LAMA1: variants seen among roughly 807,000 people sequenced by gnomAD.
LAMA1 encodes laminin subunit alpha 1, also known as laminin subunit alpha-1.
In LAMA1, 219 loss-of-function variants were observed where a neutral mutation model predicts 348.7. That is an observed-to-expected ratio of 0.63 (90% confidence interval 0.56 to 0.70). The LOEUF is 0.70. Among genes scored for constraint, LAMA1 ranks in the 30% least tolerant of loss-of-function variants. The probability of loss-of-function intolerance (pLI) is 0.00; values close to 1 mark genes in which losing one functional copy is unlikely to be tolerated. For missense variants in LAMA1, 3,744 were observed against 3,888.0 expected (o/e 0.96, Z 0.99); for synonymous variants, 1,487 against 1,491.0 (o/e 1.00, Z 0.06).
chr18:6,961,823 A>G (rs2057609320), intron 52 of LAMA1, 64 bp from the exon 53 acceptor site: 1 of 1,593,344 alleles, frequency 6.3e-7, no homozygotes, highest in African/African-American at 1.3e-5. Context: ...TTCCGTGGGG[A>G]GGACACTGCT....
rs1314325940 is a variant in LAMA1, at chr18:7,098,658, A to G, written c.62-18201T>C. ...TGAGGAGCCTCTCCGACCGGCAGCC[A>G]CCCAGTCTGGGAAGTGAGGAGCGTC... On this transcript the variant is annotated intron_variant, in intron 1 of 62. Coordinates refer to ENST00000389658, the MANE Select transcript of LAMA1 (RefSeq NM_005559.4). 4.3e-5 allele frequency among the ~76,000 whole-genome samples: 6 copies of G among 140,036 alleles called. No homozygotes were observed. The East Asian group carries it at 6.7e-4, about 16-fold the overall frequency. The allele number at this position is 140,036 out of a possible 152,430, so 91.9% of individuals were successfully genotyped here.
At chr18:6,955,502 G>A (rs371531785) in intron 56 of LAMA1, 37 bp from the exon 57 acceptor site, 41 of 1,519,194 alleles carry the variant, frequency 2.7e-5, no homozygotes, top group African/African-American at 2.2e-4. Context: ...GCCGCCACCC[G>A]CAGCCCGAAC....
chr18:6,957,300 C>T (rs1443330373), intron 55 of LAMA1: 1 of 166,830 alleles, frequency 6.0e-6, no homozygotes, highest in African/African-American at 2.4e-5. Context: ...TCTGCTCTAC[C>T]GAGTCCACAA....
intron 42 of LAMA1, among the ~76,000 whole-genome samples, chr18:6,979,623 G>A (rs1031045818): frequency 6.6e-6 from 1 of 152,370 alleles, no homozygotes; most frequent in African/African-American, 2.4e-5. Context: ...CTTTAGGCCA[G>A]GCGCGGTGGC....
chr18:7,112,701 ATC>A (rs1461548342), intron 1 of LAMA1, among the ~76,000 whole-genome samples: 2 of 151,170 alleles, frequency 1.3e-5, no homozygotes, highest in African/African-American at 4.9e-5. Flanking sequence ...CAATGGCACG[ATC>A]TCGGCTCACC....
intron 32 of LAMA1, among the ~76,000 whole-genome samples, chr18:6,998,903 G>C (rs1044936196): frequency 6.6e-6 from 1 of 151,820 alleles, no homozygotes; most frequent in Non-Finnish European, 1.5e-5. Flanking sequence ...CAAGGTGGTG[G>C]ACACCTGTGA....
intron 23 of LAMA1, among the ~76,000 whole-genome samples, 156 bp from the exon 24 acceptor site, chr18:7,012,294 T>G (rs1199970115): frequency 6.6e-6 from 1 of 152,048 alleles, no homozygotes; most frequent in Admixed American, 6.6e-5. Context: ...TTTCTGAGTG[T>G]CAGTTTTCTC....
intron 51 of LAMA1, among the ~76,000 whole-genome samples, chr18:6,962,676 T>C (rs1026447781): frequency 6.6e-6 from 1 of 152,190 alleles, no homozygotes; most frequent in African/African-American, 2.4e-5. Flanking sequence ...AGCACATAGA[T>C]TATAATCCAG....
chr18:7,053,251 T>A (rs1293921986), intron 3 of LAMA1, among the ~76,000 whole-genome samples: 1 of 152,112 alleles, frequency 6.6e-6, no homozygotes, highest in Non-Finnish European at 1.5e-5. Flanking sequence ...TGTATGATAC[T>A]CTAATGGTGG....
At chr18:7,039,913 A>G (rs2058012772) in intron 10 of LAMA1, among the ~76,000 whole-genome samples, 163 bp downstream of exon 10, 1 of 152,220 alleles carries the variant, frequency 6.6e-6, no homozygotes, top group African/African-American at 2.4e-5. Flanking sequence ...CCAAGCATAT[A>G]TAATACAGCC....
Position 6,999,470 on chromosome 18 carries a change from G to A in LAMA1, c.4638C>T (p.His1546=), listed in dbSNP as rs139693824. Reference sequence around the variant, plus strand: ...AAACACAATCTGTTTCCATCAGAATGTGCCTCGGTTCACACTCATCGCACC... The same window carrying A: ...AAACACAATCTGTTTCCATCAGAATATGCCTCGGTTCACACTCATCGCACC... ...GLRCDECEPR[H]ILMETDCVSC... The change falls in exon 32 of 63, where the codon CAC becomes CAT. Residue 1546 remains histidine, a synonymous_variant. Transcript: ENST00000389658. 1.7e-5 allele frequency: 27 copies of A among 1,614,014 alleles called. No homozygotes were observed. In the African/African-American group the frequency reaches 3.1e-4, roughly 18 times the overall value.
intron 1 of LAMA1, among the ~76,000 whole-genome samples, chr18:7,107,884 G>A (rs2058319809): frequency 6.6e-6 from 1 of 151,790 alleles, no homozygotes; most frequent in Non-Finnish European, 1.5e-5. Flanking sequence ...CCTGGTGGCG[G>A]GTGCCTGTAG....
chr18:7,011,475 G>A lies in LAMA1; in HGVS notation c.3512C>T (p.Thr1171Met), dbSNP rs543376042. 10 of 1,602,648 alleles carry A rather than the reference G, an allele frequency of 6.2e-6. No homozygotes were observed. Among genetic ancestry groups the A allele is most frequent in the African/African-American group, 5.3e-5 (4 of 74,982 alleles). Residue 1171 changes from threonine to methionine, a missense_variant, in exon 25 of 63, where the codon ACG becomes ATG. This residue lies in a region of LAMA1 where 1,529 missense variants were observed against 1,689.4 expected (regional missense o/e 0.91). Transcript: ENST00000389658. ...CAGAAGAGGCTGATCGGAGCCCAGC[G>A]TTACCTAAACCACGAAAGGAGGGGA... Reference protein sequence around the residue: ...ELEDYVRTPVTLGSDQPLLRV... With the variant: ...ELEDYVRTPVMLGSDQPLLRV...
At chr18:7,015,961 T>TGC in intron 21 of LAMA1, 103 bp from the exon 22 acceptor site, 1 of 1,413,400 alleles carries the variant, frequency 7.1e-7, no homozygotes, top group African/African-American at 1.4e-5. Context: ...AAGCCACTCT[T>TGC]CTCACTCCTA....
At chr18:7,072,744 A>C (rs915470670) in intron 3 of LAMA1, among the ~76,000 whole-genome samples, 1 of 152,122 alleles carries the variant, frequency 6.6e-6, no homozygotes, top group African/African-American at 2.4e-5. Flanking sequence ...TACTGGTGCA[A>C]GTGACCACCT....
At chr18:6,978,147 G>A (rs906839393) in intron 43 of LAMA1, 49 bp downstream of exon 43, 13 of 1,608,418 alleles carry the variant, frequency 8.1e-6, no homozygotes, top group South Asian at 6.6e-5. Flanking sequence ...CTAGCTCCAC[G>A]TCTGCATGAC....
chr18:7,042,515 C>T, intron 8 of LAMA1: 1 of 400,502 alleles, frequency 2.5e-6, no homozygotes, highest in Non-Finnish European at 4.7e-6. Context: ...CCTCGCGCTG[C>T]TGTCTCTCAG....
chr18:6,989,446 A>G (rs1414283207), intron 36 of LAMA1, among the ~76,000 whole-genome samples: 2 of 152,208 alleles, frequency 1.3e-5, no homozygotes, highest in Non-Finnish European at 2.9e-5. Context: ...TACAATTGCC[A>G]TGCTTCAGCA....
intron 3 of LAMA1, chr18:7,076,983 T>C (rs1381434352): frequency 6.6e-6 from 1 of 150,886 alleles, no homozygotes; most frequent in Non-Finnish European, 1.5e-5. Context: ...GCTCAATAAA[T>C]AAATAAATCT....
Sources: allele counts gnomAD v4.1 joint callset (sites outside exome capture counted in the v4.1 genomes callset), GRCh38; gene constraint gnomAD v4.1.1; regional missense constraint gnomAD v4.1.1; transcripts MANE v1.5; gene names NCBI Gene and HGNC (gene_info 2026-07-23, HGNC 2026-07-21).